MIB1: variants seen among roughly 807,000 people sequenced by gnomAD.
MIB1 encodes E3 ubiquitin-protein ligase MIB1.
MIB1 carries 278 observed loss-of-function variants against 124.5 expected under a neutral mutation model. That is an observed-to-expected ratio of 2.23 (90% CI 2.02 to 2.47). MIB1 has a LOEUF of 2.47. MIB1 is among the 30% of genes most tolerant of loss of function. The probability of loss-of-function intolerance (pLI) is 0.00; values close to 1 mark genes in which losing one functional copy is unlikely to be tolerated. For synonymous variants in MIB1, 446 were observed against 429.4 expected, an observed-to-expected ratio of 1.04 and a Z score of -0.48; for missense variants, 957 against 1,254.4, an observed-to-expected ratio of 0.76 and a Z score of 3.58.
chr18:21,796,926 A>G (rs1028349409), intron 7 of MIB1, among the ~76,000 whole-genome samples: 1 of 152,222 alleles, frequency 6.6e-6, no homozygotes, highest in Non-Finnish European at 1.5e-5. Context: ...GAAACTTTGT[A>G]AGATAAAGAA....
In MIB1 at chr18:21,779,498, A is replaced by G; in HGVS notation, c.721A>G (p.Arg241Gly). ...CPVLGEQNGN[R>G]NPGGLQIGDL... ...AATTACAGGTGAGCAGAATGGCAAC[A>G]GGAATCCTGGTGGATTGCAGATTGG... Residue 241 changes from arginine (R) to glycine (G), a missense_variant, in exon 6 of 21, where the codon AGG becomes GGG. By Grantham distance (125) the Arg-to-Gly change is moderately radical (BLOSUM62 -2). Coordinates refer to ENST00000261537, the MANE Select transcript of MIB1 (RefSeq NM_020774.4). The G allele has an allele frequency of 6.2e-7, 1 of 1,614,112 alleles. No homozygotes were observed. The highest frequency in any genetic ancestry group is 8.5e-7 in the Non-Finnish European group (1 of 1,179,962).
chr18:21,713,691 G>A (rs1197700322), intron 1 of MIB1, among the ~76,000 whole-genome samples: 6 of 144,680 alleles, frequency 4.1e-5, no homozygotes, highest in Non-Finnish European at 7.5e-5. Context: ...AAGTAATCCT[G>A]CCACCTTGGC....
chr18:21,853,517 G>A (rs2042199476), intron 18 of MIB1, among the ~76,000 whole-genome samples: 1 of 152,078 alleles, frequency 6.6e-6, no homozygotes, highest in African/African-American at 2.4e-5. Context: ...AAAAATAAAT[G>A]TTGAAACATT....
chr18:21,716,204 T>A (rs1022913645), intron 1 of MIB1, among the ~76,000 whole-genome samples: 3 of 152,226 alleles, frequency 2.0e-5, no homozygotes, highest in Admixed American at 2.0e-4. Flanking sequence ...ATTGAGGCCC[T>A]ATCTTCACCC....
intron 1 of MIB1, among the ~76,000 whole-genome samples, chr18:21,730,134 A>G (rs1456773318): frequency 6.6e-6 from 1 of 152,200 alleles, no homozygotes; most frequent in African/African-American, 2.4e-5. Flanking sequence ...GATTTGTGCC[A>G]CCATGAAGCT....
chr18:21,863,898 C>T (rs563513686), intron 20 of MIB1, among the ~76,000 whole-genome samples: 29 of 152,034 alleles, frequency 1.9e-4, no homozygotes, highest in African/African-American at 5.8e-4. Context: ...CCCAGCTACT[C>T]AGGAGGCTGA....
At chr18:21,719,430 A>C (rs1359781759) in intron 1 of MIB1, among the ~76,000 whole-genome samples, 1 of 152,114 alleles carries the variant, frequency 6.6e-6, no homozygotes, top group Admixed American at 6.6e-5. Flanking sequence ...AGTATTAAAA[A>C]TCTCAGAAAC....
intron 20 of MIB1, among the ~76,000 whole-genome samples, chr18:21,862,768 A>C (rs2042287226): frequency 6.6e-6 from 1 of 152,150 alleles, no homozygotes. Flanking sequence ...GAATGATACC[A>C]GGACTGAGAT....
intron 11 of MIB1, among the ~76,000 whole-genome samples, chr18:21,816,805 T>G (rs1011422164): frequency 1.3e-5 from 2 of 152,056 alleles, no homozygotes; most frequent in African/African-American, 2.4e-5. Context: ...AAATTAAGGT[T>G]TTTGAAGTGC....
chr18:21,836,825 G>A (rs1458486572), intron 12 of MIB1, among the ~76,000 whole-genome samples: 3 of 152,040 alleles, frequency 2.0e-5, no homozygotes, highest in Non-Finnish European at 2.9e-5. Context: ...GATAATGTAT[G>A]GCATTAACAT....
chr18:21,840,658 TATATA>T (rs1340029864), intron 13 of MIB1, among the ~76,000 whole-genome samples: 99 of 1,722 alleles, frequency 0.057, no homozygotes, highest in African/African-American at 0.094. Context: ...TATATATATA[TATATA>T]TATTTTTTTT....
At chr18:21,819,250 G>C (rs2041858124) in intron 11 of MIB1, among the ~76,000 whole-genome samples, 1 of 152,108 alleles carries the variant, frequency 6.6e-6, no homozygotes, top group Non-Finnish European at 1.5e-5. Context: ...TGTTGCCCAG[G>C]TTGGTGTTGA....
intron 1 of MIB1, among the ~76,000 whole-genome samples, chr18:21,720,778 G>A (rs1253584448): frequency 2.0e-5 from 3 of 152,150 alleles, no homozygotes; most frequent in African/African-American, 2.4e-5. Context: ...GGGGGACCCC[G>A]TCTCTACAAA....
At chr18:21,759,592 T>C (rs2146398540) in intron 1 of MIB1, among the ~76,000 whole-genome samples, 1 of 152,320 alleles carries the variant, frequency 6.6e-6, no homozygotes. Context: ...GGTATGTCCA[T>C]GTTGAATTGC....
intron 1 of MIB1, among the ~76,000 whole-genome samples, chr18:21,761,212 G>A (rs946407326): frequency 2.0e-5 from 3 of 148,298 alleles, no homozygotes; most frequent in Admixed American, 1.4e-4. Flanking sequence ...AACTATTCTC[G>A]GTCACACAAA....
intron 3 of MIB1, 88 bp from the exon 4 acceptor site, chr18:21,773,536 A>G (rs2041245656): frequency 4.8e-6 from 4 of 834,704 alleles, no homozygotes; most frequent in East Asian, 2.8e-5. Flanking sequence ...AGATGAAATG[A>G]TTTTTAAGAT....
chr18:21,803,899 A>G lies in MIB1; in HGVS notation c.1372-8A>G. ...TCATTCTTTCATTCTTTTTTTTAAA[A>G]AATGTAGGTAAATGGGCAATGTGCT... is the stretch of plus-strand genomic sequence containing the variant. On this transcript the variant is annotated splice_region_variant and splice_polypyrimidine_tract_variant and intron_variant, in intron 9 of 20. Transcript: ENST00000261537. 1 of 1,601,192 alleles carries G rather than the reference A, an allele frequency of 6.2e-7. No homozygotes were observed. The highest frequency in any genetic ancestry group is 8.5e-7 in the Non-Finnish European group (1 of 1,170,232).
chr18:21,721,166 T>TG (rs2040713523), intron 1 of MIB1, among the ~76,000 whole-genome samples: 2 of 90,364 alleles, frequency 2.2e-5, no homozygotes, highest in Non-Finnish European at 4.2e-5. Flanking sequence ...GAAGTTTTTT[T>TG]TTTTTTTTTT....
chr18:21,779,832 A>G (rs1409736657), intron 6 of MIB1, 147 bp downstream of exon 6: 2 of 645,820 alleles, frequency 3.1e-6, no homozygotes, highest in South Asian at 1.9e-5. Context: ...TATATTGGTA[A>G]GGTGGAGAGA....
Sources: gnomAD v4.1 joint callset for allele counts (sites outside exome capture counted in the v4.1 genomes callset) on GRCh38, gnomAD v4.1.1 for gene constraint, MANE v1.5 for transcripts, NCBI Gene and HGNC (gene_info 2026-07-23, HGNC 2026-07-21) for gene names.